SYNE2: variants seen among roughly 807,000 people sequenced by gnomAD.
The protein encoded by SYNE2 is nesprin-2.
In SYNE2, 431 loss-of-function variants were observed where a neutral mutation model predicts 856.3. The ratio of observed to expected loss-of-function variants is 0.50; its 90% CI spans 0.47 to 0.55. SYNE2 has a LOEUF of 0.55. Among genes scored for constraint, SYNE2 ranks in the 20% least tolerant of loss-of-function variants. The probability of loss-of-function intolerance (pLI) is 0.00; values close to 1 mark genes in which losing one functional copy is unlikely to be tolerated. For synonymous variants in SYNE2, 2,923 were observed against 2,872.3 expected (o/e 1.02, Z -0.56); for missense variants, 8,129 against 8,023.2 (o/e 1.01, Z -0.50).
intron 2 of SYNE2, among the ~76,000 whole-genome samples, chr14:63,934,054 T>C (rs2095799198): frequency 6.6e-6 from 1 of 152,236 alleles, no homozygotes; most frequent in Non-Finnish European, 1.5e-5. Context: ...AGGTGTTTAA[T>C]TGCACCTGGG....
At chr14:64,188,106 G>C (rs1189651877) in intron 97 of SYNE2, among the ~76,000 whole-genome samples, 1 of 152,138 alleles carries the variant, frequency 6.6e-6, no homozygotes, top group Non-Finnish European at 1.5e-5. Flanking sequence ...AGTTTTCCTG[G>C]TCCATTTGCA....
At position 64,141,424 on chromosome 14, in the gene SYNE2, A is replaced by G. The variant is rs2098138575; in HGVS notation, c.15060A>G (p.Glu5020=). ...SIGNQLLHLK[E]TDTATLRASL... ...GGAACCAGCTTCTTCACCTGAAAGA[A>G]ACTGATACAGCTACACTGAGAGCTT... Residue 5020 remains glutamate, a synonymous_variant, in exon 81 of 116, where the codon GAA becomes GAG. Transcript: ENST00000555002. The G allele has an allele frequency of 6.2e-7, 1 of 1,614,020 alleles. No individual in the cohort carries two copies. The highest frequency in any genetic ancestry group is 8.5e-7 in the Non-Finnish European group (1 of 1,179,998).
In SYNE2 at chr14:64,225,591, C is replaced by T; in HGVS notation, c.*65C>T. ...TGCCAAGGGTGCCCAGCACGTGGCC[C>T]CAGACCAATCTGAGTGACTTAGTGT... On this transcript the variant is annotated 3_prime_UTR_variant, in exon 116 of 116. Coordinates refer to ENST00000555002, the MANE Select transcript of SYNE2 (RefSeq NM_182914.3). 1 of 1,536,250 alleles carries T rather than the reference C, an allele frequency of 6.5e-7. No homozygotes were observed. The highest frequency in any genetic ancestry group is 8.9e-7 in the Non-Finnish European group (1 of 1,118,730).
chr14:64,184,399 G>A (rs74058330), intron 96 of SYNE2, among the ~76,000 whole-genome samples: 8,006 of 151,890 alleles, frequency 0.053, 245 homozygotes, highest in African/African-American at 0.089. Flanking sequence ...GAGGGGAAAA[G>A]GGCAGGGCAG....
chr14:64,106,136 C>A lies in SYNE2; in HGVS notation c.12493-1355C>A, dbSNP rs868626240. On this transcript the variant is annotated intron_variant, in intron 64 of 115. Transcript: ENST00000555002. ...TACATGGAATTGCATTTCCAGACCC[C>A]CCCCCCCAACCAACACACAAGCTGA... Among the ~76,000 whole-genome samples, 26 of 146,850 alleles carry A rather than the reference C, an allele frequency of 1.8e-4. No individual in the cohort carries two copies. In the East Asian group the frequency reaches 2.0e-3, roughly 12 times the overall value.
At chr14:64,161,358 A>G (rs1230907495) in intron 87 of SYNE2, among the ~76,000 whole-genome samples, 3 of 152,188 alleles carry the variant, frequency 2.0e-5, no homozygotes, top group Non-Finnish European at 2.9e-5. Flanking sequence ...AAAAAAAAAA[A>G]GTAGGGAAGA....
chr14:63,764,578 AT>A (rs1886606318), intron 1 of SYNE2, among the ~76,000 whole-genome samples: 1 of 55,910 alleles, frequency 1.8e-5, no homozygotes, highest in African/African-American at 6.1e-5. Flanking sequence ...TTTTTGATTT[AT>A]TTTACTTTAA....
intron 1 of SYNE2, among the ~76,000 whole-genome samples, chr14:63,775,899 A>G (rs1487221981): frequency 2.6e-5 from 4 of 152,344 alleles, no homozygotes; most frequent in Admixed American, 1.3e-4. Context: ...CACATTAAAA[A>G]GAGCCCCTAG....
At chr14:64,007,398 T>C (rs1238726002) in intron 31 of SYNE2, among the ~76,000 whole-genome samples, 176 bp downstream of exon 31, 1 of 152,178 alleles carries the variant, frequency 6.6e-6, no homozygotes, top group East Asian at 1.9e-4. Context: ...AATTGTAGAT[T>C]ATAGCCAGAA....
rs375373819 is a variant in SYNE2, at chr14:64,190,244, A to G, written c.18038+7A>G. ...TTGATGTCATCGGATCAAGGTAAGAAATGGGCTAAAAATGATTACTCTCCA... is the reference window on the plus strand; with the variant it reads ...TTGATGTCATCGGATCAAGGTAAGAGATGGGCTAAAAATGATTACTCTCCA... On this transcript the variant is annotated splice_region_variant and intron_variant, in intron 99 of 115. Transcript: ENST00000555002. The G allele has an allele frequency of 1.2e-6, 2 of 1,613,986 alleles. No individual in the cohort carries two copies. Among genetic ancestry groups the G allele is most frequent in the Non-Finnish European group, 1.7e-6 (2 of 1,180,020 alleles).
chr14:63,996,766 G>T (rs757068333), intron 23 of SYNE2, among the ~76,000 whole-genome samples, 181 bp from the exon 24 acceptor site: 2 of 152,094 alleles, frequency 1.3e-5, no homozygotes, highest in Non-Finnish European at 2.9e-5. Context: ...TTACTGAACC[G>T]GAAATTCCTT....
rs1555393662 is a variant in SYNE2, at chr14:63,948,770, G to GTGTA, written c.409-1054_409-1053insGTAT. Among the ~76,000 whole-genome samples the GTGTA allele has an allele frequency of 5.0e-5, 4 of 79,712 alleles. 1 individual carries two copies. Among genetic ancestry groups the GTGTA allele is most frequent in the African/African-American group, 1.5e-4 (3 of 19,980 alleles). The allele number at this position is 79,712 out of a possible 152,430, so 52.3% of individuals were successfully genotyped here. The stretch of plus-strand genomic sequence containing the variant: ...TGTGTGTATATATATGTATATATAT[G>GTGTA]TATGTGTGTGTGTATATATATATAT... On this transcript the variant is annotated intron_variant, in intron 6 of 115. Coordinates refer to ENST00000555002, the MANE Select transcript of SYNE2 (RefSeq NM_182914.3).
At chr14:64,183,245 G>A (rs1287947512) in intron 96 of SYNE2, among the ~76,000 whole-genome samples, 17 of 150,314 alleles carry the variant, frequency 1.1e-4, no homozygotes, top group African/African-American at 3.2e-4. Flanking sequence ...CAGACGGGGC[G>A]GCCGGGCAGA....
intron 1 of SYNE2, among the ~76,000 whole-genome samples, chr14:63,826,311 T>C (rs1468894024): frequency 2.0e-5 from 3 of 152,036 alleles, no homozygotes; most frequent in Non-Finnish European, 4.4e-5. Context: ...TAGTCTTTTC[T>C]TTTTTTTGAG....
intron 1 of SYNE2, among the ~76,000 whole-genome samples, chr14:63,791,286 G>A (rs1183203253): frequency 1.3e-5 from 2 of 152,016 alleles, no homozygotes; most frequent in Non-Finnish European, 2.9e-5. Flanking sequence ...GCCCAATCCC[G>A]CCTCCTTGAA....
chr14:63,964,750 CT>C (rs1307146716), intron 10 of SYNE2, among the ~76,000 whole-genome samples: 1 of 152,010 alleles, frequency 6.6e-6, no homozygotes, highest in Non-Finnish European at 1.5e-5. Flanking sequence ...TCTCGAACTC[CT>C]GACCTCAGGT....
chr14:63,855,732 C>G (rs1891551814), intron 1 of SYNE2, among the ~76,000 whole-genome samples: 1 of 152,178 alleles, frequency 6.6e-6, no homozygotes, highest in South Asian at 2.1e-4. Context: ...TCATATGTTG[C>G]TTGTTTATTG....
intron 99 of SYNE2, chr14:64,191,211 A>T (rs2098517380): frequency 1.1e-5 from 3 of 278,816 alleles, no homozygotes; most frequent in Non-Finnish European, 1.9e-5. Flanking sequence ...TTAAATTATT[A>T]AGTTTGGCAT....
At chr14:63,963,851 A>T in intron 9 of SYNE2, 48 bp from the exon 10 acceptor site, 1 of 1,433,056 alleles carries the variant, frequency 7.0e-7, no homozygotes, top group Non-Finnish European at 9.8e-7. Flanking sequence ...TGTTAAAAAA[A>T]CCAAGCCCGT....
Sources: gnomAD v4.1 joint callset for allele counts (sites outside exome capture counted in the v4.1 genomes callset) on GRCh38, gnomAD v4.1.1 for gene constraint, MANE v1.5 for transcripts, NCBI Gene and HGNC (gene_info 2026-07-23, HGNC 2026-07-21) for gene names.